The following CCDC77 variants were observed in gnomAD, a reference collection of about 807,000 sequenced individuals.
CCDC77 encodes the protein coiled-coil domain containing 77.
In CCDC77, 56 loss-of-function variants were observed where a neutral mutation model predicts 66.8. The observed-to-expected ratio is 0.84, with a 90% CI of 0.68 to 1.05. CCDC77 has a LOEUF of 1.05. Among genes scored for constraint, CCDC77 ranks in the 50% least tolerant of loss-of-function variants. The pLI is 0.00. For synonymous variants in CCDC77, 196 were observed against 195.2 expected (o/e 1.00, Z -0.03); for missense variants, 570 against 576.8 (o/e 0.99, Z 0.12).
intron 1 of CCDC77, among the ~76,000 whole-genome samples, chr12:393,483 C>CT (rs1421995035): frequency 1.3e-5 from 2 of 151,818 alleles, no homozygotes; most frequent in African/African-American, 2.4e-5. Context: ...GAATCTAAAA[C>CT]TTTATCAGTT....
At chr12:425,954 T>C (rs1306651810) in intron 5 of CCDC77, among the ~76,000 whole-genome samples, 1 of 152,162 alleles carries the variant, frequency 6.6e-6, no homozygotes, top group Non-Finnish European at 1.5e-5. Flanking sequence ...AACCTCCGCC[T>C]CCCAGATTGA....
In CCDC77 at chr12:430,628, G is replaced by A. The variant is rs774024566; in HGVS notation, c.511-36G>A. On this transcript the variant is annotated intron_variant, in intron 6 of 12. Transcript: ENST00000239830. Reference sequence around the variant, plus strand: ...TGAAAAGTAAAATATTACGTTTATAGGAAGGCTACTTCAATACCAGTTTTT... The same window carrying A: ...TGAAAAGTAAAATATTACGTTTATAAGAAGGCTACTTCAATACCAGTTTTT... 3.4e-6 allele frequency: 5 copies of A among 1,481,294 alleles called. No homozygotes were observed. The South Asian group carries it at 4.5e-5, about 13-fold the overall frequency. 91.8% of individuals were successfully genotyped at this position (1,481,294 alleles called of 1,614,324 possible).
rs774752456 is a variant in CCDC77, at chr12:438,449, A to C, written c.936A>C (p.Ser312=). 1.9e-6 allele frequency: 3 copies of C among 1,613,934 alleles called. No individual in the cohort carries two copies. Among genetic ancestry groups the C allele is most frequent in the Non-Finnish European group, 2.5e-6 (3 of 1,179,904 alleles). The change falls in exon 10 of 13, where the codon TCA becomes TCC. Residue 312 remains serine, a synonymous_variant. Transcript: ENST00000239830. ...SWMLEKDNLM[S]KIKQYRVQCK... ...TGCTTGAAAAAGATAATTTGATGTC[A>C]AAGATTAAGCAATATAGGGTGCAGT...
At chr12:414,964 T>A (rs1051277317) in intron 4 of CCDC77, among the ~76,000 whole-genome samples, 14 of 152,122 alleles carry the variant, frequency 9.2e-5, no homozygotes, top group African/African-American at 3.4e-4. Flanking sequence ...CTTGTCCAAA[T>A]TTAATAGGCT....
intron 1 of CCDC77, among the ~76,000 whole-genome samples, chr12:392,677 G>A (rs769488971): frequency 3.3e-5 from 5 of 151,916 alleles, no homozygotes; most frequent in African/African-American, 7.3e-5. Flanking sequence ...CCTGGGTGGC[G>A]GAGGTTGCAG....
chr12:415,560 CATA>C (rs767763660), intron 4 of CCDC77, among the ~76,000 whole-genome samples: 25 of 149,086 alleles, frequency 1.7e-4, no homozygotes, highest in East Asian at 4.0e-4. Context: ...ATATTATTAA[CATA>C]ATAATATGTT....
In CCDC77 at chr12:440,626, G is replaced by A. The variant is rs143445221; in HGVS notation, c.1051G>A (p.Asp351Asn). The A allele has an allele frequency of 2.1e-3, 3,354 of 1,614,064 alleles. 6 individuals carry two copies. The highest frequency in any genetic ancestry group is 2.4e-3 in the Non-Finnish European group (2,797 of 1,179,982). ...TCCCTTTGACTTGTAGTCCCTAAAA[G>A]ATAAGTTAGTACAAGAGAAAAAGCT... ...AQSEYIKSLK[D>N]KLVQEKKLSN... Residue 351 changes from aspartate (D) to asparagine (N), a missense_variant, in exon 11 of 13, where the codon GAT (aspartate) becomes AAT (asparagine). Asp to Asn is a conservative substitution (Grantham distance 23). Coordinates refer to ENST00000239830, the MANE Select transcript of CCDC77 (RefSeq NM_032358.4).
chr12:434,435 C>T (rs1298424153), intron 9 of CCDC77, among the ~76,000 whole-genome samples: 2 of 151,752 alleles, frequency 1.3e-5, no homozygotes, highest in African/African-American at 4.9e-5. Flanking sequence ...TCCCTGCAAC[C>T]GCTGCCTCCC....
At chr12:435,237 T>G (rs1402198086) in intron 9 of CCDC77, among the ~76,000 whole-genome samples, 1 of 151,242 alleles carries the variant, frequency 6.6e-6, no homozygotes, top group East Asian at 2.0e-4. Context: ...TCACATGTAT[T>G]CCGTTTCCAA....
upstream of CCDC77, among the ~76,000 whole-genome samples, chr12:400,141 C>T (rs916083420): frequency 6.6e-6 from 1 of 152,200 alleles, no homozygotes; most frequent in Non-Finnish European, 1.5e-5. Context: ...AACCAGCCTC[C>T]GCTATCTTCC....
chr12:432,183 A>G (rs1945664665), intron 8 of CCDC77, among the ~76,000 whole-genome samples: 1 of 152,218 alleles, frequency 6.6e-6, no homozygotes, highest in African/African-American at 2.4e-5. Flanking sequence ...TCAATTCAAT[A>G]TACTAAGCCC....
At chr12:420,613 CTGTG>C (rs1174799588) in intron 5 of CCDC77, among the ~76,000 whole-genome samples, 1 of 7,296 alleles carries the variant, frequency 1.4e-4, no homozygotes, top group Non-Finnish European at 2.4e-4. Context: ...CAGTGCACTT[CTGTG>C]TGTGTGTGCT....
At chr12:393,752 G>A (rs1188097918) in intron 1 of CCDC77, among the ~76,000 whole-genome samples, 2 of 151,822 alleles carry the variant, frequency 1.3e-5, no homozygotes, top group African/African-American at 2.4e-5. Context: ...GGCTGGTCTC[G>A]AATTCCTGGC....
chr12:416,325 G>C (rs1242871950), intron 4 of CCDC77, among the ~76,000 whole-genome samples: 2 of 87,894 alleles, frequency 2.3e-5, no homozygotes, highest in African/African-American at 8.1e-5. Context: ...GTGTGTGTGT[G>C]AGTCTGTGGG....
intron 4 of CCDC77, among the ~76,000 whole-genome samples, chr12:416,661 C>T (rs1174979956): frequency 6.6e-6 from 1 of 151,066 alleles, no homozygotes; most frequent in Non-Finnish European, 1.5e-5. Flanking sequence ...TGATCTGCCA[C>T]GCCTGGCGTG....
At chr12:411,569 T>G (rs575593291) in intron 3 of CCDC77, among the ~76,000 whole-genome samples, 178 bp from the exon 4 acceptor site, 28 of 152,140 alleles carry the variant, frequency 1.8e-4, no homozygotes, top group African/African-American at 6.5e-4. Context: ...TCTCCCACCT[T>G]GGCCTCCAAA....
intron 4 of CCDC77, among the ~76,000 whole-genome samples, chr12:417,371 T>C (rs1480394361): frequency 6.6e-6 from 1 of 152,162 alleles, no homozygotes; most frequent in Non-Finnish European, 1.5e-5. Context: ...CATCTTCTGT[T>C]CATCTGTCAA....
upstream of CCDC77, among the ~76,000 whole-genome samples, chr12:398,468 C>T (rs1944856843): frequency 6.7e-6 from 1 of 149,788 alleles, no homozygotes. Flanking sequence ...GAGACAGAAT[C>T]TTGCTCTGTT....
At chr12:403,512 C>T (rs961920202) in intron 1 of CCDC77, among the ~76,000 whole-genome samples, 1 of 152,082 alleles carries the variant, frequency 6.6e-6, no homozygotes, top group Non-Finnish European at 1.5e-5. Context: ...TTATTTTTTC[C>T]AGGTAAGGTC....
Sources: allele counts gnomAD v4.1 joint callset (sites outside exome capture counted in the v4.1 genomes callset), GRCh38; gene constraint gnomAD v4.1.1; transcripts MANE v1.5; gene names NCBI Gene and HGNC (gene_info 2026-07-23, HGNC 2026-07-21).